The following EPHX1 variants were observed in gnomAD, a reference collection of about 807,000 sequenced individuals.
The protein encoded by EPHX1 is epoxide hydratase.
Under a neutral mutation model 43.2 loss-of-function variants are expected in EPHX1, and 40 were observed. That is an observed-to-expected ratio of 0.93 (90% CI 0.72 to 1.21). The LOEUF is 1.21. EPHX1 is among the 50% of genes most tolerant of loss of function. The pLI is 0.00. For missense variants in EPHX1, 550 were observed against 570.4 expected, an observed-to-expected ratio of 0.96 and a Z score of 0.36; for synonymous variants, 221 against 226.7, an observed-to-expected ratio of 0.98 and a Z score of 0.22.
intron 7 of EPHX1, among the ~76,000 whole-genome samples, chr1:225,842,988 C>T (rs1478917023): frequency 1.3e-5 from 2 of 152,222 alleles, no homozygotes; most frequent in African/African-American, 4.8e-5. Context: ...CCACCCTTTC[C>T]AGGGCCCATC....
chr1:225,839,059 C>T (rs1445932141), intron 4 of EPHX1, among the ~76,000 whole-genome samples, 158 bp from the exon 5 acceptor site: 1 of 152,196 alleles, frequency 6.6e-6, no homozygotes, highest in Non-Finnish European at 1.5e-5. Flanking sequence ...AGATGCCACC[C>T]CTATATTTGG....
intron 6 of EPHX1, among the ~76,000 whole-genome samples, chr1:225,840,551 A>T (rs1353045712): frequency 6.6e-6 from 1 of 152,386 alleles, no homozygotes; most frequent in African/African-American, 2.4e-5. Flanking sequence ...CAATTCAAAG[A>T]CAAATAAGAA....
chr1:225,819,554 C>G (rs1414078955), intron 1 of EPHX1, among the ~76,000 whole-genome samples: 1 of 152,080 alleles, frequency 6.6e-6, no homozygotes, highest in Admixed American at 6.6e-5. Context: ...TTGAGATGTA[C>G]TTTGGAAGTT....
rs1337951635 is a variant in EPHX1 at position 225,817,249 on chromosome 1, T to C, written c.-6+7080T>C. Among the ~76,000 whole-genome samples, 1 of 152,156 alleles carries C rather than the reference T, an allele frequency of 6.6e-6. No homozygotes were observed. Among genetic ancestry groups the C allele is most frequent in the East Asian group, 1.9e-4 (1 of 5,186 alleles). On this transcript the variant is annotated intron_variant, in intron 1 of 8. Coordinates refer to ENST00000272167, the MANE Select transcript of EPHX1 (RefSeq NM_001136018.4). The surrounding 1 kb of genome is among the most constrained non-coding windows in gnomAD (Gnocchi z 5.7). ...GAAGCTGGGAGTTCCCCCCAGGGTT[T>C]GCCTCCGTCACTCTTGGGCCAGCCA...
chr1:225,842,621 A>G (rs1032766474), intron 7 of EPHX1, 147 bp downstream of exon 7: 60 of 727,388 alleles, frequency 8.2e-5, no homozygotes, highest in Non-Finnish European at 1.4e-4. Context: ...CCCTGTGACC[A>G]ACGTAGCTGC....
chr1:225,839,421 G>A (rs1201854032), intron 5 of EPHX1, 75 bp downstream of exon 5: 19 of 1,590,374 alleles, frequency 1.2e-5, no homozygotes, highest in Admixed American at 1.7e-5. Context: ...AAGTGGACCT[G>A]TGTGCAGGGT....
At position 225,845,372 on chromosome 1, in the gene EPHX1, ACCTCCC is replaced by A. The variant is rs1668880721; in HGVS notation, c.*28_*33del. 7.6e-7 allele frequency: 1 copy of A among 1,320,430 alleles called. No individual in the cohort carries two copies. Among genetic ancestry groups the A allele is most frequent in the African/African-American group, 2.4e-5 (1 of 40,826 alleles). 81.8% of individuals were successfully genotyped at this position (1,320,430 alleles called of 1,614,324 possible). On this transcript the variant is annotated 3_prime_UTR_variant, in exon 9 of 9. Coordinates refer to ENST00000272167, the MANE Select transcript of EPHX1 (RefSeq NM_001136018.4). The stretch of plus-strand genomic sequence containing the variant: ...ACCCACCCCTCTCCCCCCGCCTGCC[ACCTCCC>A]CCCACAAGTGCCCTCCAGGCTTTTC...
At chr1:225,822,603 A>G (rs1667025034) in intron 1 of EPHX1, among the ~76,000 whole-genome samples, 1 of 152,222 alleles carries the variant, frequency 6.6e-6, no homozygotes, top group African/African-American at 2.4e-5. Context: ...AATGTTTGCT[A>G]CATCAGCAGG....
chr1:225,836,905 T>C (rs2102748119), intron 3 of EPHX1, among the ~76,000 whole-genome samples: 1 of 152,338 alleles, frequency 6.6e-6, no homozygotes, highest in Admixed American at 6.5e-5. Context: ...TACAATCTGT[T>C]AAAAGGGTAG....
chr1:225,841,323 C>A (rs1668391421), intron 6 of EPHX1: 1 of 152,238 alleles, frequency 6.6e-6, no homozygotes, highest in African/African-American at 2.4e-5. Context: ...GGCTCTGTTG[C>A]CCAGGGTAGA....
At chr1:225,814,982 G>C (rs1666652400) in intron 1 of EPHX1, among the ~76,000 whole-genome samples, 1 of 152,238 alleles carries the variant, frequency 6.6e-6, no homozygotes. Context: ...ACTCTTACCA[G>C]CTCTTTGGGG....
At position 225,831,913 on chromosome 1, in the gene EPHX1, G is replaced by A. The variant is rs780371051; in HGVS notation, c.318G>A (p.Gln106=). 1.9e-6 allele frequency: 3 copies of A among 1,614,056 alleles called. No homozygotes were observed. The African/African-American group carries it at 4.0e-5, about 22-fold the overall frequency. The change falls in exon 3 of 9, where the codon CAG becomes CAA. Residue 106 remains glutamine (Q), a synonymous_variant. Transcript: ENST00000272167. ...YWRNEFDWKK[Q]VEILNRYPHF... ...GGAATGAATTTGACTGGAAGAAGCAGGTGGAGATTCTCAACAGATACCCTC... is the reference window on the plus strand; with the variant it reads ...GGAATGAATTTGACTGGAAGAAGCAAGTGGAGATTCTCAACAGATACCCTC...
intron 3 of EPHX1, among the ~76,000 whole-genome samples, chr1:225,833,714 G>C (rs1407907309): frequency 2.7e-5 from 4 of 150,494 alleles, no homozygotes; most frequent in Non-Finnish European, 5.9e-5. Context: ...AGAATGGCGT[G>C]AACCCAGGAG....
In EPHX1 at chr1:225,842,477, G is replaced by C; in HGVS notation, c.1040+3G>C. On this transcript the variant is annotated splice_donor_region_variant and intron_variant, in intron 7 of 8. Transcript: ENST00000272167. ...CTGGAGGATGGAGGCCTGGAAAGGT[G>C]AGGCCCTGGTTTGCCCCTGCAGTCA... 6.2e-7 allele frequency: 1 copy of C among 1,606,492 alleles called. No individual in the cohort carries two copies. Among genetic ancestry groups the C allele is most frequent in the African/African-American group, 1.3e-5 (1 of 74,896 alleles).
chr1:225,827,372 C>A (rs185098471), intron 1 of EPHX1, among the ~76,000 whole-genome samples: 33 of 152,278 alleles, frequency 2.2e-4, no homozygotes, highest in Admixed American at 1.4e-3. Flanking sequence ...GGCATAAGGA[C>A]GGCCCGCATA....
chr1:225,830,923 G>GA (rs1379150185), intron 2 of EPHX1, among the ~76,000 whole-genome samples: 8 of 152,082 alleles, frequency 5.3e-5, no homozygotes, highest in African/African-American at 1.9e-4. Flanking sequence ...TAGTTAGGGG[G>GA]AAAAAAATCA....
chr1:225,832,000 T>C (rs1667632649), intron 3 of EPHX1, 41 bp downstream of exon 3: 1 of 1,595,372 alleles, frequency 6.3e-7, no homozygotes, highest in East Asian at 2.2e-5. Context: ...ATGTATGTCA[T>C]GAGAACAGCC....
Position 225,845,361 on chromosome 1 carries a change from C to T in EPHX1, c.*14C>T. ...GAGCGGCAATGACCCACCCCTCTCC[C>T]CCCGCCTGCCACCTCCCCCCACAAG... is the stretch of plus-strand genomic sequence containing the variant. On this transcript the variant is annotated 3_prime_UTR_variant, in exon 9 of 9. Transcript: ENST00000272167. 2 of 1,569,966 alleles carry T rather than the reference C, an allele frequency of 1.3e-6. No homozygotes were observed. The highest frequency in any genetic ancestry group is 1.7e-6 in the Non-Finnish European group (2 of 1,160,968).
chr1:225,815,279 T>C lies in EPHX1; in HGVS notation c.-6+5110T>C, dbSNP rs1446258402. ...GTTTTTTTTTGAGACAGGGTCTGGC[T>C]CTGTTGTCCAGGCTGGAGTGCAGTG... On this transcript the variant is annotated intron_variant, in intron 1 of 8. Coordinates refer to ENST00000272167, the MANE Select transcript of EPHX1 (RefSeq NM_001136018.4). 2.9e-5 allele frequency among the ~76,000 whole-genome samples: 4 copies of C among 136,988 alleles called. 1 individual carries two copies. Among genetic ancestry groups the C allele is most frequent in the Admixed American group, 1.5e-4 (2 of 13,372 alleles). The allele number at this position is 136,988 out of a possible 152,430, so 89.9% of individuals were successfully genotyped here.
Sources: allele counts gnomAD v4.1 joint callset (sites outside exome capture counted in the v4.1 genomes callset), GRCh38; gene constraint gnomAD v4.1.1; non-coding constraint Gnocchi (gnomAD v3.1); transcripts MANE v1.5; gene names NCBI Gene and HGNC (gene_info 2026-07-23, HGNC 2026-07-21).